Variants in NWD2 observed in about 807,000 individuals in gnomAD.
The protein encoded by NWD2 is NACHT and WD repeat domain containing 2.
NWD2 carries 37 observed loss-of-function variants against 132.7 expected under a neutral mutation model. The observed-to-expected ratio is 0.28, with a 90% CI of 0.21 to 0.37. The LOEUF (loss-of-function observed/expected upper bound fraction) is 0.37. NWD2 is among the 10% of genes least tolerant of loss of function. The pLI is 1.00. For missense variants in NWD2, 1,592 were observed against 2,122.4 expected (o/e 0.75, Z 4.91); for synonymous variants, 705 against 803.0 (o/e 0.88, Z 2.06).
intron 3 of NWD2, among the ~76,000 whole-genome samples, chr4:37,408,920 A>T (rs1443091277): frequency 6.6e-6 from 1 of 152,212 alleles, no homozygotes; most frequent in East Asian, 1.9e-4. Context: ...AAACACCAGT[A>T]TACTGGCAGC....
At chr4:37,424,071 A>C (rs1216537214) in intron 3 of NWD2, among the ~76,000 whole-genome samples, 1 of 152,174 alleles carries the variant, frequency 6.6e-6, no homozygotes, top group Non-Finnish European at 1.5e-5. Context: ...CAGGGAATAC[A>C]TCACAACCAC....
chr4:37,312,108 G>A (rs893877578), intron 1 of NWD2, among the ~76,000 whole-genome samples: 2 of 151,616 alleles, frequency 1.3e-5, no homozygotes, highest in African/African-American at 4.9e-5. Context: ...ACTTGGCGAT[G>A]CGGGCTCTTT....
At chr4:37,359,944 A>G (rs890207068) in intron 3 of NWD2, among the ~76,000 whole-genome samples, 4 of 152,144 alleles carry the variant, frequency 2.6e-5, no homozygotes, top group African/African-American at 9.7e-5. Context: ...CTAGCTTGGG[A>G]AACATTGTAA....
chr4:37,259,050 G>C (rs564837683), intron 1 of NWD2, among the ~76,000 whole-genome samples: 1 of 152,290 alleles, frequency 6.6e-6, no homozygotes, highest in South Asian at 2.1e-4. Flanking sequence ...ACCTGCACCT[G>C]CAAGGGGGAT....
chr4:37,369,565 G>T (rs757213896), intron 3 of NWD2, among the ~76,000 whole-genome samples: 1 of 152,120 alleles, frequency 6.6e-6, no homozygotes, highest in Non-Finnish European at 1.5e-5. Flanking sequence ...AACCAAGAGT[G>T]AATAAAGAAC....
chr4:37,445,159 C>A lies in NWD2; in HGVS notation c.3171C>A (p.Ser1057Arg), dbSNP rs145389202. 30 of 1,552,042 alleles carry A rather than the reference C, an allele frequency of 1.9e-5. No homozygotes were observed. Among genetic ancestry groups the A allele is most frequent in the Non-Finnish European group, 2.4e-5 (28 of 1,147,068 alleles). ...VEIKGTKHGS[S>R]ATYINGFTLS... ...TCAAGGGGACCAAGCATGGAAGCAG[C>A]GCCACCTACATCAATGGATTTACAC... Residue 1057 changes from serine (S) to arginine (R), a missense_variant, in exon 7 of 7, where the codon AGC (serine) becomes AGA (arginine). Transcript: ENST00000309447. This position sits in a 1 kb window ranked among gnomAD's most constrained non-coding sequence, Gnocchi z 4.7.
intron 2 of NWD2, among the ~76,000 whole-genome samples, chr4:37,330,442 T>A (rs1441518057): frequency 1.3e-5 from 2 of 152,034 alleles, no homozygotes; most frequent in East Asian, 3.9e-4. Context: ...TGGAAAAAAG[T>A]AAAGACAGAC....
chr4:37,421,135 A>G (rs758093878), intron 3 of NWD2, among the ~76,000 whole-genome samples: 4 of 152,298 alleles, frequency 2.6e-5, no homozygotes, highest in Admixed American at 6.5e-5. Flanking sequence ...TAATATGTCC[A>G]AAACTGTGTC....
At chr4:37,354,611 A>G (rs904959979) in intron 2 of NWD2, among the ~76,000 whole-genome samples, 1 of 150,228 alleles carries the variant, frequency 6.7e-6, no homozygotes, top group African/African-American at 2.5e-5. Flanking sequence ...AACCAAGGCT[A>G]TTATTGTCCT....
chr4:37,415,843 T>C lies in NWD2; in HGVS notation c.358-14729T>C, dbSNP rs1359314619. Among the ~76,000 whole-genome samples, 6 of 152,296 alleles carry C rather than the reference T, an allele frequency of 3.9e-5. No individual in the cohort carries two copies. In the East Asian group the frequency reaches 1.2e-3, roughly 29 times the overall value. On this transcript the variant is annotated intron_variant, in intron 3 of 6. Coordinates refer to ENST00000309447, the MANE Select transcript of NWD2 (RefSeq NM_001144990.2). ...CATAATGGATACCCATTAATGACGC[T>C]GATATCACCATTTAAACAACACTTA...
chr4:37,426,267 A>G (rs970049322), intron 3 of NWD2, among the ~76,000 whole-genome samples: 21 of 152,206 alleles, frequency 1.4e-4, no homozygotes, highest in Admixed American at 3.9e-4. Flanking sequence ...AAATTAACTG[A>G]TTCATGATTT....
At chr4:37,309,240 C>G (rs968818656) in intron 1 of NWD2, among the ~76,000 whole-genome samples, 2 of 152,184 alleles carry the variant, frequency 1.3e-5, no homozygotes, top group African/African-American at 4.8e-5. Flanking sequence ...GTCCTAGGGC[C>G]TTTGGGGAGT....
At chr4:37,279,085 A>G (rs1414813355) in intron 1 of NWD2, among the ~76,000 whole-genome samples, 2 of 152,220 alleles carry the variant, frequency 1.3e-5, no homozygotes, top group Non-Finnish European at 2.9e-5. Flanking sequence ...ACATACTTTT[A>G]AATGGAAAAG....
At position 37,440,078 on chromosome 4, in the gene NWD2, G is replaced by T. The variant is rs185454290; in HGVS notation, c.1296+688G>T. 4.5e-4 allele frequency among the ~76,000 whole-genome samples: 68 copies of T among 152,164 alleles called. 1 individual carries two copies. In the East Asian group the frequency reaches 0.011, roughly 25 times the overall value. Reference sequence around the variant, plus strand: ...CCATCTCTTTGGAGGCCTTTTCATGGCTTCCTGGAGGTCCTTCCCCTCCCG... The same window carrying T: ...CCATCTCTTTGGAGGCCTTTTCATGTCTTCCTGGAGGTCCTTCCCCTCCCG... On this transcript the variant is annotated intron_variant, in intron 6 of 6. Coordinates refer to ENST00000309447, the MANE Select transcript of NWD2 (RefSeq NM_001144990.2).
At chr4:37,311,843 A>T (rs1390050534) in intron 1 of NWD2, among the ~76,000 whole-genome samples, 1 of 149,596 alleles carries the variant, frequency 6.7e-6, no homozygotes, top group Non-Finnish European at 1.5e-5. Context: ...AGCATTCTAC[A>T]TATGGCTAGC....
chr4:37,387,387 C>A (rs2109310455), intron 3 of NWD2, among the ~76,000 whole-genome samples: 1 of 152,070 alleles, frequency 6.6e-6, no homozygotes, highest in African/African-American at 2.4e-5. Context: ...TCTTAACCAG[C>A]CACATTTTAA....
intron 3 of NWD2, among the ~76,000 whole-genome samples, chr4:37,358,944 A>G (rs905258317): frequency 4.6e-5 from 7 of 152,196 alleles, no homozygotes; most frequent in Non-Finnish European, 7.4e-5. Context: ...AGATTCCATT[A>G]TGCTTAGAAA....
At chr4:37,283,204 T>G (rs984715055) in intron 1 of NWD2, among the ~76,000 whole-genome samples, 3 of 152,188 alleles carry the variant, frequency 2.0e-5, no homozygotes, top group African/African-American at 7.2e-5. Context: ...ATTATCAGAA[T>G]TCATATTGGT....
At chr4:37,286,814 T>C (rs1718240766) in intron 1 of NWD2, among the ~76,000 whole-genome samples, 1 of 152,106 alleles carries the variant, frequency 6.6e-6, no homozygotes, top group Non-Finnish European at 1.5e-5. Flanking sequence ...TTTTACTGCT[T>C]GTATTCTCAC....
Sources: gnomAD v4.1 joint callset for allele counts (sites outside exome capture counted in the v4.1 genomes callset) on GRCh38, gnomAD v4.1.1 for gene constraint, Gnocchi (gnomAD v3.1) non-coding constraint, MANE v1.5 for transcripts, NCBI Gene and HGNC (gene_info 2026-07-23, HGNC 2026-07-21) for gene names.